Variants in MYO16 observed in about 807,000 individuals in gnomAD.
MYO16 encodes the protein unconventional myosin-XVI.
Under a neutral mutation model 205.3 loss-of-function variants are expected in MYO16, and 94 were observed. The ratio of observed to expected loss-of-function variants is 0.46; its 90% CI spans 0.39 to 0.54. The LOEUF (loss-of-function observed/expected upper bound fraction) is 0.54, where lower values mean the gene tolerates loss of function less well. MYO16 is among the 20% of genes least tolerant of loss of function. The pLI is 0.00. For synonymous variants in MYO16, 988 were observed against 954.0 expected, an observed-to-expected ratio of 1.04 and a Z score of -0.66; for missense variants, 2,315 against 2,387.5, an observed-to-expected ratio of 0.97 and a Z score of 0.63.
chr13:108,584,415 T>C, the MYO16 span, among the ~76,000 whole-genome samples: 1,913 of 152,332 alleles, frequency 0.013, 19 homozygotes, highest in Middle Eastern at 0.041. Context: ...ATGCATGCAA[T>C]GTGTAATCAG....
At chr13:108,534,857 C>T in the MYO16 span, among the ~76,000 whole-genome samples, 1 of 148,462 alleles carries the variant, frequency 6.7e-6, no homozygotes, top group Non-Finnish European at 1.5e-5. Flanking sequence ...TCATCCTCTT[C>T]CTCCTCCTTC....
intron 3 of MYO16, among the ~76,000 whole-genome samples, chr13:108,721,231 A>G (rs1031002268): frequency 9.2e-5 from 14 of 152,208 alleles, no homozygotes; most frequent in African/African-American, 3.4e-4. Context: ...CACACGGTCA[A>G]AGCTTTGGAC....
chr13:109,008,337 T>C (rs1268164616), intron 21 of MYO16, among the ~76,000 whole-genome samples: 1 of 152,036 alleles, frequency 6.6e-6, no homozygotes, highest in East Asian at 1.9e-4. Context: ...TGCACTACTG[T>C]ACTATCTTGT....
rs534939131 is a variant in MYO16, at chr13:108,908,848, C to G, written c.1778-1155C>G. On this transcript the variant is annotated intron_variant, in intron 15 of 34. Coordinates refer to ENST00000457511, the MANE Select transcript of MYO16 (RefSeq NM_001198950.3). ...AATTAGCTGGTGTGGTGACACACAC[C>G]TGTGGTCCCAGCTACTGAGGAGGCT... 3.3e-3 allele frequency among the ~76,000 whole-genome samples: 497 copies of G among 151,966 alleles called. 2 individuals carry two copies. Among genetic ancestry groups the G allele is most frequent in the Non-Finnish European group, 6.2e-3 (419 of 67,978 alleles).
chr13:108,740,654 T>C (rs9587663), intron 4 of MYO16, among the ~76,000 whole-genome samples: 1,681 of 152,282 alleles, frequency 0.011, 36 homozygotes, highest in African/African-American at 0.039. Context: ...CACTACTCTC[T>C]TCAAAGCTGT....
chr13:108,653,487 A>AT (rs1433961092), intron 1 of MYO16, among the ~76,000 whole-genome samples: 1 of 151,824 alleles, frequency 6.6e-6, no homozygotes, highest in East Asian at 1.9e-4. Context: ...TGTCATAAAG[A>AT]TTTTTTCCCT....
the MYO16 span, among the ~76,000 whole-genome samples, chr13:108,567,702 T>C: frequency 1.2e-3 from 186 of 152,128 alleles, 1 homozygote; most frequent in Non-Finnish European, 2.3e-3. Flanking sequence ...TTTATTGAGA[T>C]ACAGTTCACA....
intron 9 of MYO16, among the ~76,000 whole-genome samples, chr13:108,843,513 CA>C (rs34805521): frequency 0.91 from 137,073 of 151,336 alleles, 62,741 homozygotes; most frequent in East Asian, 1. Flanking sequence ...TTAAAAGAGG[CA>C]AAAAAAAAAT....
chr13:109,048,348 C>T lies in MYO16; in HGVS notation c.2872+1357C>T, dbSNP rs771530027. On this transcript the variant is annotated intron_variant, in intron 24 of 34. Coordinates refer to ENST00000457511, the MANE Select transcript of MYO16 (RefSeq NM_001198950.3). Reference sequence around the variant, plus strand: ...TTTTTTATTCTTTAGGAGGAAGGTGCTTCTGAGCAAAAGGACAGAATTTAC... The same window carrying T: ...TTTTTTATTCTTTAGGAGGAAGGTGTTTCTGAGCAAAAGGACAGAATTTAC... 6.3e-5 allele frequency: 48 copies of T among 756,662 alleles called. 1 individual carries two copies. In the East Asian group the frequency reaches 1.1e-3, roughly 18 times the overall value. The allele number at this position is 756,662 out of a possible 1,614,324, so 46.9% of individuals were successfully genotyped here.
chr13:109,119,309 TGA>T (rs1188185254), intron 28 of MYO16, among the ~76,000 whole-genome samples: 1 of 152,222 alleles, frequency 6.6e-6, no homozygotes, highest in Non-Finnish European at 1.5e-5. Context: ...AGTTCATGCT[TGA>T]GAGCACACAT....
intron 28 of MYO16, among the ~76,000 whole-genome samples, chr13:109,112,973 C>A (rs1889335710): frequency 6.6e-6 from 1 of 152,086 alleles, no homozygotes; most frequent in South Asian, 2.1e-4. Context: ...GACAGATACA[C>A]AAATAAGAAG....
At chr13:108,568,667 A>G in the MYO16 span, among the ~76,000 whole-genome samples, 1 of 152,064 alleles carries the variant, frequency 6.6e-6, no homozygotes, top group African/African-American at 2.4e-5. Context: ...CAACTCCATG[A>G]CAAAAGTTTT....
intron 32 of MYO16, among the ~76,000 whole-genome samples, chr13:109,156,364 CA>C (rs1184919561): frequency 1.3e-5 from 2 of 152,226 alleles, no homozygotes; most frequent in Non-Finnish European, 2.9e-5. Flanking sequence ...AAAACAAGCA[CA>C]TTCCCTTCAT....
At chr13:108,689,833 C>T (rs1203116080) in intron 2 of MYO16, among the ~76,000 whole-genome samples, 3 of 151,956 alleles carry the variant, frequency 2.0e-5, no homozygotes, top group East Asian at 1.9e-4. Flanking sequence ...AGAAAATAAT[C>T]GATTAATCAA....
chr13:109,113,498 A>G (rs950381552), intron 28 of MYO16, among the ~76,000 whole-genome samples: 7 of 152,230 alleles, frequency 4.6e-5, no homozygotes. Context: ...AATGAGATTG[A>G]TATTTAGAAA....
At chr13:108,581,140 A>T in the MYO16 span, among the ~76,000 whole-genome samples, 6,004 of 137,678 alleles carry the variant, frequency 0.044, 123 homozygotes, top group Non-Finnish European at 0.063. Context: ...ATTTTAGGAT[A>T]TTATTTTTGA....
rs565912930 is a variant in MYO16 at position 108,858,395 on chromosome 13, T to G, written c.1359+2842T>G. ...AATCTCAAAATTCAAATACCCGAAT[T>G]TGGTCATTTGAGCTCTTCCAACCTG... On this transcript the variant is annotated intron_variant, in intron 11 of 34. Coordinates refer to ENST00000457511, the MANE Select transcript of MYO16 (RefSeq NM_001198950.3). Among the ~76,000 whole-genome samples, 5 of 152,242 alleles carry G rather than the reference T, an allele frequency of 3.3e-5. No homozygotes were observed. The South Asian group carries it at 8.3e-4, about 25-fold the overall frequency.
intron 12 of MYO16, among the ~76,000 whole-genome samples, chr13:108,872,859 T>C (rs1879134867): frequency 6.6e-6 from 1 of 152,112 alleles, no homozygotes; most frequent in Non-Finnish European, 1.5e-5. Context: ...TTTTTATAGG[T>C]CATGAGAAAA....
intron 1 of MYO16, among the ~76,000 whole-genome samples, chr13:108,610,062 G>A (rs919384458): frequency 2.0e-5 from 3 of 152,148 alleles, no homozygotes; most frequent in Admixed American, 6.5e-5. Flanking sequence ...GAAGCTCTGG[G>A]ACTGACTGAG....
Sources: allele counts gnomAD v4.1 joint callset (sites outside exome capture counted in the v4.1 genomes callset), GRCh38; gene constraint gnomAD v4.1.1; transcripts MANE v1.5; gene names NCBI Gene and HGNC (gene_info 2026-07-23, HGNC 2026-07-21).